GPHN: variants seen among roughly 807,000 people sequenced by gnomAD.
GPHN encodes the protein gephyrin.
GPHN carries 17 observed loss-of-function variants against 95.5 expected under a neutral mutation model. That is an observed-to-expected ratio of 0.18 (90% CI 0.12 to 0.27). GPHN has a LOEUF of 0.27. GPHN is among the 10% of genes least tolerant of loss of function. The pLI, the probability that GPHN is intolerant of heterozygous loss-of-function variation, is 1.00. For missense variants in GPHN, 660 were observed against 978.1 expected, an observed-to-expected ratio of 0.67 and a Z score of 4.34; for synonymous variants, 320 against 322.5, an observed-to-expected ratio of 0.99 and a Z score of 0.08.
In GPHN at chr14:66,727,236, G is replaced by A. The variant is rs767437416; in HGVS notation, c.143+46051G>A. Among the ~76,000 whole-genome samples, 215 of 151,974 alleles carry A rather than the reference G, an allele frequency of 1.4e-3. 1 individual carries two copies. Among genetic ancestry groups the A allele is most frequent in the Non-Finnish European group, 8.4e-4 (57 of 67,922 alleles). ...ATGATTGTGAGGCCTCCCCAGCCAC[G>A]TGGAACTCTTAAGTCCATTAAATCT... On this transcript the variant is annotated intron_variant, in intron 2 of 22. Transcript: ENST00000478722.
chr14:67,428,337 C>T, the GPHN span, among the ~76,000 whole-genome samples: 2 of 152,162 alleles, frequency 1.3e-5, no homozygotes, highest in African/African-American at 2.4e-5. Context: ...AGGACGCCCT[C>T]GGTGCACTAG....
At chr14:67,693,997 G>A in the GPHN span, among the ~76,000 whole-genome samples, 2 of 152,084 alleles carry the variant, frequency 1.3e-5, no homozygotes, top group African/African-American at 4.8e-5. Context: ...TTTTCCAAAT[G>A]AATGAATGCA....
chr14:67,292,386 A>G, the GPHN span: 1 of 621,658 alleles, frequency 1.6e-6, no homozygotes, highest in Non-Finnish European at 2.8e-6. Context: ...ACAATAATAT[A>G]TGCAGATTTT....
chr14:67,225,202 G>C, the GPHN span: 2 of 1,545,416 alleles, frequency 1.3e-6, no homozygotes, highest in Non-Finnish European at 1.7e-6. Flanking sequence ...GAATGAATGT[G>C]AGGAAAGAAA....
the GPHN span, among the ~76,000 whole-genome samples, chr14:67,319,792 A>G: frequency 5.9e-5 from 9 of 152,318 alleles, no homozygotes; most frequent in South Asian, 4.1e-4. Context: ...TGTAGCCACT[A>G]TATGTAAATG....
At chr14:66,614,367 A>G (rs1201538901) in intron 1 of GPHN, among the ~76,000 whole-genome samples, 2 of 152,130 alleles carry the variant, frequency 1.3e-5, no homozygotes, top group African/African-American at 4.8e-5. Context: ...ACTACTGCAC[A>G]ATACAGTATT....
the GPHN span, among the ~76,000 whole-genome samples, chr14:67,339,721 T>G: frequency 1.5e-4 from 23 of 152,334 alleles, no homozygotes; most frequent in African/African-American, 5.3e-4. Flanking sequence ...GAAATACATA[T>G]TTGTTGAATA....
chr14:67,372,081 A>G, the GPHN span, among the ~76,000 whole-genome samples: 1 of 152,106 alleles, frequency 6.6e-6, no homozygotes, highest in Non-Finnish European at 1.5e-5. Context: ...CCTGGGCAAC[A>G]TAGCAGGACC....
chr14:66,509,718 T>C (rs756955967), intron 1 of GPHN, among the ~76,000 whole-genome samples: 15 of 152,176 alleles, frequency 9.9e-5, no homozygotes, highest in Non-Finnish European at 2.9e-5. Context: ...AAAGAAGCAG[T>C]GTGGACGGGA....
chr14:66,749,689 T>G (rs2058296227), intron 2 of GPHN, among the ~76,000 whole-genome samples: 1 of 151,894 alleles, frequency 6.6e-6, no homozygotes, highest in South Asian at 2.1e-4. Flanking sequence ...TTCAATAGAG[T>G]TGTTCATTTT....
chr14:67,468,393 G>C, the GPHN span, among the ~76,000 whole-genome samples: 4 of 152,178 alleles, frequency 2.6e-5, no homozygotes, highest in Non-Finnish European at 5.9e-5. Context: ...GCAGCCTTCT[G>C]AGACAGGCAC....
chr14:67,179,571 T>G lies in GPHN; in HGVS notation c.2080-7T>G, dbSNP rs2083212922. ...AAGTTTGTTTTCTTTTCTACTTTATTCTGTAGTTATCATGTGATGTAAAAC... is the reference window on the plus strand; with the variant it reads ...AAGTTTGTTTTCTTTTCTACTTTATGCTGTAGTTATCATGTGATGTAAAAC... On this transcript the variant is annotated splice_region_variant and splice_polypyrimidine_tract_variant and intron_variant, in intron 21 of 22. Coordinates refer to ENST00000478722, the MANE Select transcript of GPHN (RefSeq NM_020806.5). 3.3e-6 allele frequency: 5 copies of G among 1,525,660 alleles called. No homozygotes were observed. The East Asian group carries it at 1.1e-4, about 34-fold the overall frequency. The allele number at this position is 1,525,660 out of a possible 1,614,324, so 94.5% of individuals were successfully genotyped here.
At chr14:66,918,358 G>A (rs2066021732) in intron 6 of GPHN, among the ~76,000 whole-genome samples, 1 of 152,032 alleles carries the variant, frequency 6.6e-6, no homozygotes, top group South Asian at 2.1e-4. Flanking sequence ...TGCCAGTGTG[G>A]CTGACCTGTA....
At chr14:66,546,465 C>T (rs530797341) in intron 1 of GPHN, among the ~76,000 whole-genome samples, 12 of 152,248 alleles carry the variant, frequency 7.9e-5, no homozygotes, top group African/African-American at 2.6e-4. Context: ...CGCCACTGCA[C>T]TCCAGCCTGG....
intron 9 of GPHN, among the ~76,000 whole-genome samples, chr14:66,993,923 A>G (rs1285802017): frequency 6.6e-6 from 1 of 152,194 alleles, no homozygotes; most frequent in East Asian, 1.9e-4. Context: ...TGTCTTATAA[A>G]TATGACCAGA....
the GPHN span, chr14:67,392,274 C>T: frequency 8.4e-7 from 1 of 1,188,056 alleles, no homozygotes; most frequent in Non-Finnish European, 1.3e-6. Flanking sequence ...ACTGCTCCCT[C>T]CCCTAAGCTT....
the GPHN span, chr14:67,582,401 G>A: frequency 0.027 from 24,736 of 924,514 alleles, 1,041 homozygotes; most frequent in East Asian, 0.13. The surrounding 1 kb of genome is among the most constrained non-coding windows in gnomAD (Gnocchi z 5.0). Flanking sequence ...TATAGGATGC[G>A]TGCAGATGGC....
chr14:66,924,179 T>A lies in GPHN; in HGVS notation c.730-15T>A, dbSNP rs1452531100. ...CCTGTCACTATATTCATAGTTGTTATGTGTTGTGCATTAGAAGCATCCATT... is the reference window on the plus strand; with the variant it reads ...CCTGTCACTATATTCATAGTTGTTAAGTGTTGTGCATTAGAAGCATCCATT... On this transcript the variant is annotated splice_polypyrimidine_tract_variant and intron_variant, in intron 7 of 22. Coordinates refer to ENST00000478722, the MANE Select transcript of GPHN (RefSeq NM_020806.5). 2.2e-6 allele frequency: 3 copies of A among 1,390,022 alleles called. No homozygotes were observed. Among genetic ancestry groups the A allele is most frequent in the Non-Finnish European group, 3.1e-6 (3 of 975,558 alleles). The allele number at this position is 1,390,022 out of a possible 1,614,324, so 86.1% of individuals were successfully genotyped here. A position where few individuals can be genotyped will look rare whatever the true frequency, so the allele number is the denominator to read the frequency against.
the GPHN span, among the ~76,000 whole-genome samples, chr14:67,550,287 C>T: frequency 1.1e-4 from 17 of 152,172 alleles, no homozygotes; most frequent in Non-Finnish European, 2.1e-4. Flanking sequence ...CCCCGAGGCT[C>T]AAGCAATCCT....
Sources: allele counts gnomAD v4.1 joint callset (sites outside exome capture counted in the v4.1 genomes callset), GRCh38; gene constraint gnomAD v4.1.1; non-coding constraint Gnocchi (gnomAD v3.1); transcripts MANE v1.5; gene names NCBI Gene and HGNC (gene_info 2026-07-23, HGNC 2026-07-21).